RALGAPA2: variants seen among roughly 807,000 people sequenced by gnomAD.
RALGAPA2 encodes Ral GTPase activating protein catalytic subunit alpha 2, also known as ral GTPase-activating protein subunit alpha-2.
Under a neutral mutation model 230.4 loss-of-function variants are expected in RALGAPA2, and 139 were observed. That is an observed-to-expected ratio of 0.60 (90% CI 0.53 to 0.69). RALGAPA2 has a LOEUF of 0.69. Among genes scored for constraint, RALGAPA2 ranks in the 30% least tolerant of loss-of-function variants. The probability of loss-of-function intolerance (pLI) is 0.00; values close to 1 mark genes in which losing one functional copy is unlikely to be tolerated. For synonymous variants in RALGAPA2, 847 were observed against 837.8 expected (o/e 1.01, Z -0.19); for missense variants, 2,163 against 2,276.0 (o/e 0.95, Z 1.01).
At position 20,583,126 on chromosome 20, in the gene RALGAPA2, A is replaced by G. The variant is rs756843693; in HGVS notation, c.2631T>C (p.Thr877=). 1.9e-6 allele frequency: 3 copies of G among 1,613,680 alleles called. No homozygotes were observed. The highest frequency in any genetic ancestry group is 2.5e-6 in the Non-Finnish European group (3 of 1,179,722). Residue 877 remains threonine (T), a synonymous_variant, in exon 20 of 40, where the codon ACT becomes ACC. Coordinates refer to ENST00000202677, the MANE Select transcript of RALGAPA2 (RefSeq NM_020343.4). ...QTCEEDPELN[T]PTDVVADADA... ...CAGCATCAGCCACAACATCTGTGGG[A>G]GTATTCAGTTCTGGGTCTTCCTCAC...
chr20:20,492,233 A>G (rs1165112524), intron 36 of RALGAPA2, among the ~76,000 whole-genome samples: 4 of 152,150 alleles, frequency 2.6e-5, no homozygotes, highest in Non-Finnish European at 5.9e-5. Flanking sequence ...AAAAGGATTA[A>G]AATTATTCTT....
intron 37 of RALGAPA2, among the ~76,000 whole-genome samples, chr20:20,417,207 G>A (rs2060184330): frequency 6.6e-6 from 1 of 152,172 alleles, no homozygotes; most frequent in Non-Finnish European, 1.5e-5. Context: ...AAAACCTCTG[G>A]CTAAATAGCT....
chr20:20,511,521 C>G (rs1427686568), intron 32 of RALGAPA2, among the ~76,000 whole-genome samples, 196 bp from the exon 33 acceptor site: 1 of 152,214 alleles, frequency 6.6e-6, no homozygotes, highest in Non-Finnish European at 1.5e-5. Flanking sequence ...ATCAGCATCC[C>G]ATTACTACCC....
intron 3 of RALGAPA2, among the ~76,000 whole-genome samples, chr20:20,670,050 C>G (rs929170218): frequency 1.3e-5 from 2 of 152,312 alleles, no homozygotes; most frequent in Admixed American, 6.5e-5. Flanking sequence ...AAGGTCATTA[C>G]TGGAGCTCTG....
intron 1 of RALGAPA2, among the ~76,000 whole-genome samples, chr20:20,710,932 C>A (rs1430067906): frequency 6.6e-6 from 1 of 152,166 alleles, no homozygotes; most frequent in East Asian, 1.9e-4. Flanking sequence ...TCAGTCACTA[C>A]CAGGAACTCC....
At chr20:20,544,226 C>T (rs1207542248) in intron 24 of RALGAPA2, among the ~76,000 whole-genome samples, 1 of 151,872 alleles carries the variant, frequency 6.6e-6, no homozygotes, top group African/African-American at 2.4e-5. Flanking sequence ...TTGAGACCAT[C>T]CTGGCTAACA....
intron 35 of RALGAPA2, among the ~76,000 whole-genome samples, chr20:20,501,574 C>T (rs1217783411): frequency 6.6e-6 from 1 of 152,190 alleles, no homozygotes; most frequent in East Asian, 1.9e-4. Context: ...GTTCAGACCA[C>T]CAAAACTTTC....
intron 38 of RALGAPA2, among the ~76,000 whole-genome samples, chr20:20,410,923 C>A (rs985446556): frequency 1.3e-5 from 2 of 152,262 alleles, no homozygotes; most frequent in African/African-American, 2.4e-5. Flanking sequence ...TGGCTCCCTG[C>A]GCAAGTGCGT....
intron 20 of RALGAPA2, among the ~76,000 whole-genome samples, chr20:20,579,637 T>TA (rs1314535810): frequency 2.0e-5 from 3 of 152,208 alleles, no homozygotes; most frequent in East Asian, 1.9e-4. Context: ...AGCTATTTTT[T>TA]AAAAAAAATC....
chr20:20,659,683 C>A lies in RALGAPA2; in HGVS notation c.271-6096G>T, dbSNP rs533471104. On this transcript the variant is annotated intron_variant, in intron 3 of 39. Coordinates refer to ENST00000202677, the MANE Select transcript of RALGAPA2 (RefSeq NM_020343.4). ...CCTAAAAATATTATAATAAAATAAT[C>A]TGAATGGCAACAGCAGCAGCGAGAG... 4 of 387,048 alleles carry A rather than the reference C, an allele frequency of 1.0e-5. No homozygotes were observed. In the East Asian group the frequency reaches 1.8e-4, roughly 18 times the overall value. 24.0% of individuals were successfully genotyped at this position (387,048 alleles called of 1,614,324 possible). A position where few individuals can be genotyped will look rare whatever the true frequency, so the allele number is the denominator to read the frequency against.
At chr20:20,507,560 T>G (rs925027792) in intron 33 of RALGAPA2, among the ~76,000 whole-genome samples, 2 of 152,234 alleles carry the variant, frequency 1.3e-5, no homozygotes, top group Non-Finnish European at 2.9e-5. Context: ...TTTCGCCATG[T>G]TGGCCAGGCT....
At chr20:20,526,880 G>A (rs1004814908) in intron 27 of RALGAPA2, among the ~76,000 whole-genome samples, 3 of 152,194 alleles carry the variant, frequency 2.0e-5, no homozygotes, top group African/African-American at 7.2e-5. Context: ...CTAAGAATGT[G>A]TAAAATTAGA....
At chr20:20,603,276 A>G (rs2065717637) in intron 15 of RALGAPA2, among the ~76,000 whole-genome samples, 1 of 152,236 alleles carries the variant, frequency 6.6e-6, no homozygotes, top group Non-Finnish European at 1.5e-5. Flanking sequence ...ATGTACTTCA[A>G]CTACTTTATT....
At chr20:20,628,225 A>T (rs1361921894) in intron 10 of RALGAPA2, among the ~76,000 whole-genome samples, 4 of 152,052 alleles carry the variant, frequency 2.6e-5, no homozygotes, top group African/African-American at 4.8e-5. Flanking sequence ...CAGAAGTGAG[A>T]GGGCCAAACA....
intron 38 of RALGAPA2, among the ~76,000 whole-genome samples, chr20:20,397,888 C>A (rs763300634): frequency 6.6e-6 from 1 of 152,264 alleles, no homozygotes; most frequent in South Asian, 2.1e-4. Context: ...GATCGTGGGT[C>A]GTGTATGATC....
chr20:20,678,619 A>G (rs2068417136), intron 2 of RALGAPA2, among the ~76,000 whole-genome samples: 1 of 151,882 alleles, frequency 6.6e-6, no homozygotes, highest in African/African-American at 2.4e-5. Flanking sequence ...CAACACCTGC[A>G]CCATTAGTTA....
intron 11 of RALGAPA2, among the ~76,000 whole-genome samples, chr20:20,620,022 C>T (rs2066272575): frequency 6.6e-6 from 1 of 152,196 alleles, no homozygotes; most frequent in Non-Finnish European, 1.5e-5. Context: ...TTTGGTTAGT[C>T]CTTTCACAGG....
intron 15 of RALGAPA2, 127 bp downstream of exon 15, chr20:20,605,047 TA>T: frequency 1.4e-6 from 1 of 715,748 alleles, no homozygotes; most frequent in Non-Finnish European, 2.3e-6. Flanking sequence ...TTAATGCCAC[TA>T]TTAAGAAGAC....
intron 36 of RALGAPA2, among the ~76,000 whole-genome samples, chr20:20,494,064 G>GCAA (rs963255402): frequency 3.9e-5 from 6 of 152,042 alleles, no homozygotes; most frequent in Non-Finnish European, 7.4e-5. Context: ...AAAAACAACA[G>GCAA]CAACAATAAT....
Sources: gnomAD v4.1 joint callset for allele counts (sites outside exome capture counted in the v4.1 genomes callset) on GRCh38, gnomAD v4.1.1 for gene constraint, MANE v1.5 for transcripts, NCBI Gene and HGNC (gene_info 2026-07-23, HGNC 2026-07-21) for gene names.